SPTB: variants seen among roughly 807,000 people sequenced by gnomAD.
SPTB encodes the protein spectrin beta chain, erythrocytic.
A neutral mutation model predicts 256.2 loss-of-function variants in SPTB; 45 were observed. That is an observed-to-expected ratio of 0.18 (90% CI 0.14 to 0.23). The LOEUF (loss-of-function observed/expected upper bound fraction) is 0.23, where lower values mean the gene tolerates loss of function less well. SPTB is among the 10% of genes least tolerant of loss of function. SPTB has a pLI of 1.00. For synonymous variants in SPTB, 1,231 were observed against 1,243.1 expected, an observed-to-expected ratio of 0.99 and a Z score of 0.21; for missense variants, 2,715 against 3,040.4, an observed-to-expected ratio of 0.89 and a Z score of 2.52.
chr14:64,851,599 G>C (rs2083787931), intron 1 of SPTB, among the ~76,000 whole-genome samples: 1 of 152,122 alleles, frequency 6.6e-6, no homozygotes, highest in African/African-American at 2.4e-5. Flanking sequence ...CAGGCCCTTT[G>C]CTAGGCATGA....
At position 64,824,525 on chromosome 14, in the gene SPTB, C is replaced by G. The variant is rs985677388; in HGVS notation, c.-51-1380G>C. On this transcript the variant is annotated intron_variant, in intron 1 of 35. Transcript: ENST00000644917. This position sits in a 1 kb window ranked among gnomAD's most constrained non-coding sequence, Gnocchi z 5.7. ...TCTTTCTAGGGATCTTAAGGGACTC[C>G]AAGATCAAGTCTGTAAGAGAATAGG... Among the ~76,000 whole-genome samples the G allele has an allele frequency of 6.6e-6, 1 of 152,076 alleles. No homozygotes were observed. The highest frequency in any genetic ancestry group is 2.4e-5 in the African/African-American group (1 of 41,394).
At chr14:64,767,601 A>G (rs963911095) in intron 30 of SPTB, 62 bp downstream of exon 30, 3 of 1,599,464 alleles carry the variant, frequency 1.9e-6, no homozygotes, top group South Asian at 1.1e-5. Flanking sequence ...GAGTCCTTAC[A>G]TGAGACCCCT....
intron 22 of SPTB, among the ~76,000 whole-genome samples, chr14:64,776,227 T>A (rs1385215042): frequency 6.6e-6 from 1 of 152,206 alleles, no homozygotes; most frequent in Admixed American, 6.5e-5. Context: ...GCAGCCCACA[T>A]GAGCAGCACA....
At chr14:64,782,818 A>T (rs923152999) in intron 19 of SPTB, among the ~76,000 whole-genome samples, 3 of 87,404 alleles carry the variant, frequency 3.4e-5, no homozygotes, top group African/African-American at 9.7e-5. Flanking sequence ...TTGATGAGTT[A>T]AAAAAAAAAA....
rs1329939133 is a variant in SPTB, at chr14:64,758,767, C to T, written c.6346-4974G>A. Among the ~76,000 whole-genome samples the T allele has an allele frequency of 6.6e-6, 1 of 152,218 alleles. No individual in the cohort carries two copies. Among genetic ancestry groups the T allele is most frequent in the Non-Finnish European group, 1.5e-5 (1 of 68,024 alleles). On this transcript the variant is annotated intron_variant, in intron 32 of 35. Transcript: ENST00000644917. The surrounding 1 kb of genome is among the most constrained non-coding windows in gnomAD (Gnocchi z 4.6). The stretch of plus-strand genomic sequence containing the variant: ...TGGAGGGATGGCCAGATGCTGCTGG[C>T]AGGCTCCTTGCTCACGGGGGAGGAG...
Position 64,853,056 on chromosome 14 carries a change from T to C in SPTB, c.-52+26736A>G, listed in dbSNP as rs544399955. Among the ~76,000 whole-genome samples, 67 of 151,540 alleles carry C rather than the reference T, an allele frequency of 4.4e-4. No homozygotes were observed. The highest frequency in any genetic ancestry group is 1.5e-3 in the African/African-American group (61 of 40,904). Reference sequence around the variant, plus strand: ...GAAGTAGCCTTTAAATGGATACCTATGGGACAAATAAGAGACAGGCAATGG... The same window carrying C: ...GAAGTAGCCTTTAAATGGATACCTACGGGACAAATAAGAGACAGGCAATGG... On this transcript the variant is annotated intron_variant, in intron 1 of 35. Transcript: ENST00000644917. The surrounding 1 kb of genome is among the most constrained non-coding windows in gnomAD (Gnocchi z 4.3).
intron 1 of SPTB, among the ~76,000 whole-genome samples, chr14:64,832,438 T>C (rs2083464505): frequency 6.6e-6 from 1 of 152,228 alleles, no homozygotes; most frequent in African/African-American, 2.4e-5. Flanking sequence ...TTCCTTGGCC[T>C]GTCTCTTAAA....
chr14:64,782,758 T>C (rs1462145036), intron 19 of SPTB, among the ~76,000 whole-genome samples: 6 of 150,076 alleles, frequency 4.0e-5, no homozygotes, highest in African/African-American at 1.5e-4. Flanking sequence ...CTGGGACACT[T>C]TGGAAGAAGA....
rs373091506 is a variant in SPTB at position 64,750,050 on chromosome 14, A to G, written c.6707T>C (p.Leu2236Pro). The change falls in exon 34 of 36, where the codon CTG (leucine) becomes CCG (proline). Residue 2236 changes from leucine to proline, a missense_variant. Transcript: ENST00000644917. ...LGMPYHGEEPLALRHAICEIA... is the reference protein window; with the variant it reads ...LGMPYHGEEPPALRHAICEIA... ...CTCACAGATGGCATGTCTCAGGGCCAGGGGTTCCTCCCCATGGTAGGGCAT... is the reference window on the plus strand; with the variant it reads ...CTCACAGATGGCATGTCTCAGGGCCGGGGGTTCCTCCCCATGGTAGGGCAT... 3 of 1,614,106 alleles carry G rather than the reference A, an allele frequency of 1.9e-6. No homozygotes were observed. In the African/African-American group the frequency reaches 4.0e-5, roughly 22 times the overall value.
At chr14:64,835,407 G>A (rs1374487524) in intron 1 of SPTB, among the ~76,000 whole-genome samples, 1 of 152,128 alleles carries the variant, frequency 6.6e-6, no homozygotes, top group African/African-American at 2.4e-5. Flanking sequence ...CACCTTGTCC[G>A]GCTAGTTTTT....
Position 64,774,742 on chromosome 14 carries a change from C to T in SPTB, c.4843-215G>A, listed in dbSNP as rs184975517. On this transcript the variant is annotated intron_variant, in intron 23 of 35. Transcript: ENST00000644917. ...TCTCTGGACTCCCCTGATTCGTATC[C>T]GACATATACCCTTCCTTTTGTGCTC... Among the ~76,000 whole-genome samples the T allele has an allele frequency of 6.0e-4, 92 of 152,248 alleles. 1 individual carries two copies. The East Asian group carries it at 0.016, about 26-fold the overall frequency.
At chr14:64,843,064 C>CAA (rs998096759) in intron 1 of SPTB, among the ~76,000 whole-genome samples, 10 of 148,986 alleles carry the variant, frequency 6.7e-5, no homozygotes, top group African/African-American at 2.0e-4. Flanking sequence ...GACCCTGTCT[C>CAA]AAAAAAAAAG....
Position 64,773,407 on chromosome 14 carries a change from A to G in SPTB, c.4991T>C (p.Leu1664Pro), listed in dbSNP as rs1023936846. 6.2e-7 allele frequency: 1 copy of G among 1,614,064 alleles called. No homozygotes were observed. Among genetic ancestry groups the G allele is most frequent in the African/African-American group, 1.3e-5 (1 of 75,030 alleles). ...GTAGTGCTTGTCCACTTGCCCCTGA[A>G]GTCTGATGATCTGTTCCCTGGAATT... is the stretch of plus-strand genomic sequence containing the variant. ...GHPEGEQIIRLQGQVDKHYAG... is the reference protein window; with the variant it reads ...GHPEGEQIIRPQGQVDKHYAG... Residue 1664 changes from leucine (L) to proline (P), a missense_variant, in exon 25 of 36, where the codon CTT becomes CCT. Coordinates refer to ENST00000644917, the MANE Select transcript of SPTB (RefSeq NM_001355436.2).
intron 2 of SPTB, among the ~76,000 whole-genome samples, chr14:64,820,763 C>T (rs951983198): frequency 9.2e-5 from 14 of 152,110 alleles, no homozygotes; most frequent in Admixed American, 2.0e-4. Flanking sequence ...CTCCGCCTCC[C>T]GGGTTCAAGC....
At chr14:64,753,431 G>A in intron 33 of SPTB, 106 bp downstream of exon 33, 1 of 1,568,370 alleles carries the variant, frequency 6.4e-7, no homozygotes, top group Non-Finnish European at 8.7e-7. Flanking sequence ...CAAGGCAGAA[G>A]GCACCCCTCC....
intron 1 of SPTB, among the ~76,000 whole-genome samples, chr14:64,875,539 C>T (rs887648170): frequency 1.8e-4 from 27 of 152,202 alleles, no homozygotes; most frequent in African/African-American, 6.3e-4. Flanking sequence ...AGGTGACCTT[C>T]CCCTAATGGG....
intron 15 of SPTB, among the ~76,000 whole-genome samples, chr14:64,788,044 G>A (rs1434172949): frequency 6.6e-6 from 1 of 152,216 alleles, no homozygotes; most frequent in Non-Finnish European, 1.5e-5. Context: ...ATGCCCTGTG[G>A]GGTGTATGAT....
chr14:64,778,342 G>A lies in SPTB; in HGVS notation c.4563+815C>T, dbSNP rs1440950406. On this transcript the variant is annotated intron_variant, in intron 22 of 35. Coordinates refer to ENST00000644917, the MANE Select transcript of SPTB (RefSeq NM_001355436.2). The surrounding 1 kb of genome is among the most constrained non-coding windows in gnomAD (Gnocchi z 5.2). ...CCTCAAGGAGCTGCAATACTAACCGGGCACTCTGGGACATGTCACTTTTAT... is the reference window on the plus strand; with the variant it reads ...CCTCAAGGAGCTGCAATACTAACCGAGCACTCTGGGACATGTCACTTTTAT... 2.0e-5 allele frequency among the ~76,000 whole-genome samples: 3 copies of A among 152,118 alleles called. No individual in the cohort carries two copies. Among genetic ancestry groups the A allele is most frequent in the African/African-American group, 7.2e-5 (3 of 41,412 alleles).
At position 64,759,568 on chromosome 14, in the gene SPTB, A is replaced by G. The variant is rs565580934; in HGVS notation, c.6346-5775T>C. On this transcript the variant is annotated intron_variant, in intron 32 of 35. Coordinates refer to ENST00000644917, the MANE Select transcript of SPTB (RefSeq NM_001355436.2). This position sits in a 1 kb window ranked among gnomAD's most constrained non-coding sequence, Gnocchi z 4.8. ...CCTTACCCGACAGGAGGCGAGATCT[A>G]TGGACAGAGAGCACCAGGAGGGGCG... Among the ~76,000 whole-genome samples, 128 of 152,324 alleles carry G rather than the reference A, an allele frequency of 8.4e-4. No individual in the cohort carries two copies. The highest frequency in any genetic ancestry group is 2.9e-3 in the African/African-American group (121 of 41,584).
Sources: allele counts gnomAD v4.1 joint callset (sites outside exome capture counted in the v4.1 genomes callset), GRCh38; gene constraint gnomAD v4.1.1; non-coding constraint Gnocchi (gnomAD v3.1); transcripts MANE v1.5; gene names NCBI Gene and HGNC (gene_info 2026-07-23, HGNC 2026-07-21).